Variants in CHD6 observed in about 807,000 individuals in gnomAD.
CHD6 encodes the protein chromodomain helicase DNA binding protein 6.
Under a neutral mutation model 276.9 loss-of-function variants are expected in CHD6, and 50 were observed. That is an observed-to-expected ratio of 0.18 (90% CI 0.14 to 0.23). CHD6 has a LOEUF of 0.23. Ranked by LOEUF, CHD6 falls within the 10% of genes least tolerant of loss-of-function variation. The probability of loss-of-function intolerance (pLI) is 1.00; values close to 1 mark genes in which losing one functional copy is unlikely to be tolerated. For synonymous variants in CHD6, 1,173 were observed against 1,229.3 expected (o/e 0.95, Z 0.96); for missense variants, 2,564 against 3,365.8 (o/e 0.76, Z 5.89).
intron 2 of CHD6, among the ~76,000 whole-genome samples, chr20:41,549,076 T>A (rs978848764): frequency 7.2e-5 from 11 of 152,090 alleles, no homozygotes; most frequent in Admixed American, 2.0e-4. Flanking sequence ...ATTGTGGAAG[T>A]CAGTGTGGCG....
At position 41,403,634 on chromosome 20, in the gene CHD6, T is replaced by A. The variant is rs546365374; in HGVS notation, c.*959A>T. On this transcript the variant is annotated 3_prime_UTR_variant, in exon 37 of 37. Coordinates refer to ENST00000373233, the MANE Select transcript of CHD6 (RefSeq NM_032221.5). ...CAAGTGTCAAAGTGTTGGGCAACTG[T>A]CTTCTTGCAGGCTCCAGAAAGAACC... is the stretch of plus-strand genomic sequence containing the variant. 1 of 1,061,846 alleles carries A rather than the reference T, an allele frequency of 9.4e-7. No homozygotes were observed. The highest frequency in any genetic ancestry group is 4.6e-5 in the South Asian group (1 of 21,954). The allele number at this position is 1,061,846 out of a possible 1,614,324, so 65.8% of individuals were successfully genotyped here. A position where few individuals can be genotyped will look rare whatever the true frequency, so the allele number is the denominator to read the frequency against.
intron 36 of CHD6, among the ~76,000 whole-genome samples, chr20:41,407,460 G>A (rs1399950655): frequency 6.6e-6 from 1 of 152,218 alleles, no homozygotes; most frequent in East Asian, 1.9e-4. Flanking sequence ...GCTGAGACTG[G>A]CCACCAGGCC....
chr20:41,569,797 G>A (rs989428914), intron 1 of CHD6, among the ~76,000 whole-genome samples: 1 of 152,114 alleles, frequency 6.6e-6, no homozygotes, highest in Non-Finnish European at 1.5e-5. Context: ...CATTTATACT[G>A]TATCAGAGAT....
chr20:41,451,746 A>G, intron 22 of CHD6, 80 bp downstream of exon 22: 3 of 1,258,574 alleles, frequency 2.4e-6, no homozygotes, highest in Admixed American at 3.4e-5. Context: ...CCCAAAGCAC[A>G]GCAATACGGC....
chr20:41,504,205 G>C (rs146715126), intron 5 of CHD6, among the ~76,000 whole-genome samples: 1 of 149,776 alleles, frequency 6.7e-6, no homozygotes, highest in Non-Finnish European at 1.5e-5. Context: ...ATGTGCTTCA[G>C]AAATTTTCCA....
In CHD6 at chr20:41,606,293, C is replaced by T. The variant is rs533778741; in HGVS notation, c.-24+12047G>A. ...TTGGGAGGCCAAGGCGGGCAGATCA[C>T]GAGGTCAGGAGATCAAGACCACCCT... On this transcript the variant is annotated intron_variant, in intron 1 of 36. Coordinates refer to ENST00000373233, the MANE Select transcript of CHD6 (RefSeq NM_032221.5). 1.5e-4 allele frequency among the ~76,000 whole-genome samples: 23 copies of T among 152,240 alleles called. No homozygotes were observed. The South Asian group carries it at 3.7e-3, about 25-fold the overall frequency.
intron 8 of CHD6, among the ~76,000 whole-genome samples, chr20:41,494,639 T>C (rs931751739): frequency 6.6e-6 from 1 of 152,210 alleles, no homozygotes; most frequent in African/African-American, 2.4e-5. Context: ...CGGAGCTATG[T>C]TAACTGGACC....
chr20:41,593,034 T>C (rs1187513875), intron 1 of CHD6, among the ~76,000 whole-genome samples: 2 of 152,032 alleles, frequency 1.3e-5, no homozygotes, highest in Non-Finnish European at 2.9e-5. Flanking sequence ...AACCTATCCC[T>C]CCACCCTCTT....
At chr20:41,444,611 G>C (rs2048007842) in intron 25 of CHD6, among the ~76,000 whole-genome samples, 2 of 152,166 alleles carry the variant, frequency 1.3e-5, no homozygotes, top group South Asian at 4.1e-4. Context: ...AATATAGCTG[G>C]TTAGCCTGTA....
At chr20:41,449,486 C>T (rs562243762) in intron 23 of CHD6, among the ~76,000 whole-genome samples, 1 of 152,188 alleles carries the variant, frequency 6.6e-6, no homozygotes, top group South Asian at 2.1e-4. Flanking sequence ...GAATTGAAAG[C>T]CAATAGTATT....
intron 1 of CHD6, among the ~76,000 whole-genome samples, chr20:41,612,797 A>G (rs2045899739): frequency 6.6e-6 from 1 of 152,180 alleles, no homozygotes; most frequent in Non-Finnish European, 1.5e-5. Context: ...AATCAAGTCA[A>G]TGCCCTTCGC....
intron 17 of CHD6, among the ~76,000 whole-genome samples, chr20:41,472,728 T>C (rs866378902): frequency 6.6e-6 from 1 of 152,292 alleles, no homozygotes; most frequent in African/African-American, 2.4e-5. Context: ...TTTCAAAAAA[T>C]ATATCAACTC....
Position 41,451,965 on chromosome 20 carries a change from C to G in CHD6, c.3384G>C (p.Lys1128Asn). ...GGGCACGGCAAATCATCTCCATGTC[C>G]TTCTCGTTCAGATGCCACTTGAATC... The part of the protein sequence containing the change: ...HGRFKWHLNE[K>N]DMEMICRALL... The change falls in exon 22 of 37, where the codon AAG (lysine) becomes AAC (asparagine). Residue 1128 changes from lysine (K) to asparagine (N), a missense_variant. Transcript: ENST00000373233. 1 of 1,614,100 alleles carries G rather than the reference C, an allele frequency of 6.2e-7. No individual in the cohort carries two copies.
chr20:41,485,508 G>A (rs2043391965), intron 14 of CHD6: 1 of 152,206 alleles, frequency 6.6e-6, no homozygotes, highest in Non-Finnish European at 1.5e-5. Context: ...ATTGCTTCCT[G>A]AAGAAATATA....
At chr20:41,546,387 A>G (rs2045043868) in intron 2 of CHD6, among the ~76,000 whole-genome samples, 1 of 152,198 alleles carries the variant, frequency 6.6e-6, no homozygotes, top group African/African-American at 2.4e-5. Flanking sequence ...CCGTCATCCT[A>G]CTTATAATAT....
chr20:41,521,463 CAA>C (rs2044393685), intron 3 of CHD6, among the ~76,000 whole-genome samples: 1 of 152,128 alleles, frequency 6.6e-6, no homozygotes, highest in Non-Finnish European at 1.5e-5. Flanking sequence ...AGATGAATCT[CAA>C]CTGCAGGCAT....
intron 1 of CHD6, among the ~76,000 whole-genome samples, chr20:41,556,206 A>T (rs2045232930): frequency 6.6e-6 from 1 of 151,946 alleles, no homozygotes; most frequent in Admixed American, 6.6e-5. Context: ...GCAGCAGTAC[A>T]GTCCAGCTTT....
chr20:41,473,220 T>G lies in CHD6; in HGVS notation c.2664+102A>C, dbSNP rs1442472370. On this transcript the variant is annotated intron_variant, in intron 17 of 36. Transcript: ENST00000373233. The surrounding 1 kb of genome is among the most constrained non-coding windows in gnomAD (Gnocchi z 4.1). The stretch of plus-strand genomic sequence containing the variant: ...TAAGCCTGTCATCCAGCTGACACCA[T>G]AGCATAGAGCATCACGGATGCTCTG... 2 of 1,108,196 alleles carry G rather than the reference T, an allele frequency of 1.8e-6. No homozygotes were observed. 68.6% of individuals were successfully genotyped at this position (1,108,196 alleles called of 1,614,324 possible). A position where few individuals can be genotyped will look rare whatever the true frequency, so the allele number is the denominator to read the frequency against.
chr20:41,551,853 G>A (rs1239648113), intron 1 of CHD6, among the ~76,000 whole-genome samples: 3 of 152,102 alleles, frequency 2.0e-5, no homozygotes, highest in Non-Finnish European at 4.4e-5. Flanking sequence ...TATATTATTT[G>A]ACGATTTAAA....
Sources: gnomAD v4.1 joint callset for allele counts (sites outside exome capture counted in the v4.1 genomes callset) on GRCh38, gnomAD v4.1.1 for gene constraint, Gnocchi (gnomAD v3.1) non-coding constraint, MANE v1.5 for transcripts, NCBI Gene and HGNC (gene_info 2026-07-23, HGNC 2026-07-21) for gene names.